The following ZNF831 variants were observed in gnomAD, a reference collection of about 807,000 sequenced individuals.
ZNF831 encodes the protein chromosome 20 open reading frame 174.
ZNF831 carries 59 observed loss-of-function variants against 95.8 expected under a neutral mutation model. The observed-to-expected ratio is 0.62, with a 90% CI of 0.50 to 0.77. The LOEUF is 0.77. ZNF831 is among the 30% of genes least tolerant of loss of function. ZNF831 has a pLI of 0.00. For missense variants in ZNF831, 2,205 were observed against 2,164.0 expected, an observed-to-expected ratio of 1.02 and a Z score of -0.38; for synonymous variants, 961 against 925.5, an observed-to-expected ratio of 1.04 and a Z score of -0.70.
chr20:59,186,662 G>A (rs1020779350), intron 1 of ZNF831, among the ~76,000 whole-genome samples: 9 of 152,310 alleles, frequency 5.9e-5, no homozygotes, highest in African/African-American at 1.4e-4. Context: ...AGGTTGCAGC[G>A]TCTTGAGGTA....
Position 59,204,085 on chromosome 20 carries a change from C to T in ZNF831, c.3876-2820C>T, listed in dbSNP as rs79435072. 8.0e-3 allele frequency among the ~76,000 whole-genome samples: 1,212 copies of T among 152,158 alleles called. 15 individuals are homozygous for T. The highest frequency in any genetic ancestry group is 0.028 in the African/African-American group (1,158 of 41,506). Reference sequence around the variant, plus strand: ...GAAGCCCCAAGTGAATGGAAATGAGCGAGGAGAAGATTGCAGGTTGTATGG... The same window carrying T: ...GAAGCCCCAAGTGAATGGAAATGAGTGAGGAGAAGATTGCAGGTTGTATGG... On this transcript the variant is annotated intron_variant, in intron 3 of 5. Transcript: ENST00000371030.
rs1393498778 is a variant in ZNF831 at position 59,192,138 on chromosome 20, C to T, written c.1119C>T (p.Ser373=). The change falls in exon 2 of 6, where the codon TCC becomes TCT. Residue 373 remains serine (S), a synonymous_variant. Coordinates refer to ENST00000371030, the MANE Select transcript of ZNF831 (RefSeq NM_178457.3). This position sits in a 1 kb window ranked among gnomAD's most constrained non-coding sequence, Gnocchi z 5.2. ...LHSLSEHSAE[S]EGEGGPGPGP... ...GCCTTTCGGAGCACAGCGCCGAGTC[C>T]GAGGGGGAGGGCGGCCCGGGCCCGG... The T allele has an allele frequency of 1.3e-6, 2 of 1,566,800 alleles. No individual in the cohort carries two copies. The highest frequency in any genetic ancestry group is 2.4e-5 in the South Asian group (2 of 84,802).
At chr20:59,233,015 C>G (rs1986812881) in intron 4 of ZNF831, among the ~76,000 whole-genome samples, 1 of 147,552 alleles carries the variant, frequency 6.8e-6, no homozygotes, top group South Asian at 2.1e-4. Context: ...CACACACACA[C>G]ACACACACAC....
chr20:59,209,775 TGCTATTTCC>T, intron 4 of ZNF831, among the ~76,000 whole-genome samples: 1 of 71,720 alleles, frequency 1.4e-5, no homozygotes, highest in South Asian at 3.7e-4. Flanking sequence ...AGCTATTTCC[TGCTATTTCC>T]TTGGTTTGTT....
rs2146560177 is a variant in ZNF831 at position 59,192,126 on chromosome 20, C to A, written c.1107C>A (p.His369Gln). Residue 369 changes from histidine to glutamine, a missense_variant, in exon 2 of 6, where the codon CAC becomes CAA. Coordinates refer to ENST00000371030, the MANE Select transcript of ZNF831 (RefSeq NM_178457.3). This position sits in a 1 kb window ranked among gnomAD's most constrained non-coding sequence, Gnocchi z 5.2. ...GCCCCCTGCACAGCCTTTCGGAGCA[C>A]AGCGCCGAGTCCGAGGGGGAGGGCG... ...PCSPLHSLSE[H>Q]SAESEGEGGP... is the part of the protein sequence containing the mutation. 1 of 1,573,334 alleles carries A rather than the reference C, an allele frequency of 6.4e-7. No individual in the cohort carries two copies. The highest frequency in any genetic ancestry group is 8.6e-7 in the Non-Finnish European group (1 of 1,165,584).
chr20:59,255,848 C>A lies in ZNF831; in HGVS notation c.*1105C>A, dbSNP rs920149061. The A allele has an allele frequency of 3.9e-5, 6 of 152,162 alleles. No individual in the cohort carries two copies. Among genetic ancestry groups the A allele is most frequent in the African/African-American group, 1.4e-4 (6 of 41,430 alleles). 9.4% of individuals were successfully genotyped at this position (152,162 alleles called of 1,614,324 possible). The stretch of plus-strand genomic sequence containing the variant: ...CTGTATTGTGCACGTCAGAACTGCA[C>A]AGAGAAAATTCCCCAGTATTCCAAG... On this transcript the variant is annotated 3_prime_UTR_variant, in exon 6 of 6. Transcript: ENST00000371030.
At chr20:59,220,038 C>T (rs1190637934) in intron 4 of ZNF831, among the ~76,000 whole-genome samples, 1 of 152,140 alleles carries the variant, frequency 6.6e-6, no homozygotes, top group Admixed American at 6.5e-5. Context: ...GGGAGAGAAA[C>T]TCTCATACCT....
rs1985089528 is a variant in ZNF831 at position 59,208,819 on chromosome 20, G to A, written c.4027+1763G>A. 6.6e-6 allele frequency among the ~76,000 whole-genome samples: 1 copy of A among 152,132 alleles called. No homozygotes were observed. Among genetic ancestry groups the A allele is most frequent in the Admixed American group, 6.5e-5 (1 of 15,286 alleles). On this transcript the variant is annotated intron_variant, in intron 4 of 5. Coordinates refer to ENST00000371030, the MANE Select transcript of ZNF831 (RefSeq NM_178457.3). The surrounding 1 kb of genome is among the most constrained non-coding windows in gnomAD (Gnocchi z 4.2). ...AGAGCTGGTAGCCCCCGCTACCTGG[G>A]AGGTTCTGATGGTCACTGGTGGAAT...
intron 1 of ZNF831, among the ~76,000 whole-genome samples, chr20:59,132,545 A>T (rs1979379792): frequency 6.6e-6 from 1 of 152,172 alleles, no homozygotes; most frequent in African/African-American, 2.4e-5. Flanking sequence ...GTGGATAAAA[A>T]ATGACATCTC....
chr20:59,251,444 A>G (rs1424741844), intron 4 of ZNF831, among the ~76,000 whole-genome samples: 1 of 152,270 alleles, frequency 6.6e-6, no homozygotes, highest in Non-Finnish European at 1.5e-5. Flanking sequence ...ATGATTTCCG[A>G]TTTTGAATGT....
In ZNF831 at chr20:59,217,162, C is replaced by CTGTGTGTGTGTGTG. The variant is rs201079519; in HGVS notation, c.4027+10126_4027+10139dup. On this transcript the variant is annotated intron_variant, in intron 4 of 5. Transcript: ENST00000371030. This position sits in a 1 kb window ranked among gnomAD's most constrained non-coding sequence, Gnocchi z 4.4. ...GAGTACATCTGACAGATCTTCATCTCTGTGTGTGTGTGTGTGTGTGTGTGT... is the reference window on the plus strand; with the variant it reads ...GAGTACATCTGACAGATCTTCATCTCTGTGTGTGTGTGTGTGTGTGTGTGTGTGTGTGTGTGTGT... 0.032 allele frequency among the ~76,000 whole-genome samples: 4,745 copies of CTGTGTGTGTGTGTG among 148,686 alleles called. 136 individuals are homozygous for CTGTGTGTGTGTGTG. The highest frequency in any genetic ancestry group is 0.079 in the African/African-American group (3,179 of 40,226).
At chr20:59,215,699 A>G (rs1985632456) in intron 4 of ZNF831, among the ~76,000 whole-genome samples, 1 of 152,250 alleles carries the variant, frequency 6.6e-6, no homozygotes, top group South Asian at 2.1e-4. Context: ...TGCCACCTTC[A>G]GAACTTTTGT....
rs1568766087 is a variant in ZNF831, at chr20:59,202,341, A to ATTTT, written c.3876-4564_3876-4563insTTTT. 1.0e-3 allele frequency among the ~76,000 whole-genome samples: 103 copies of ATTTT among 98,428 alleles called. 1 individual carries two copies. Among genetic ancestry groups the ATTTT allele is most frequent in the African/African-American group, 3.0e-3 (84 of 27,622 alleles). The allele number at this position is 98,428 out of a possible 152,430, so 64.6% of individuals were successfully genotyped here. A position where few individuals can be genotyped will look rare whatever the true frequency, so the allele number is the denominator to read the frequency against. ...TTTTCAACCTTTTTTTTTTTTTTTA[A>ATTTT]AAAAAAAAACACATCTAATGTTTTG... On this transcript the variant is annotated intron_variant, in intron 3 of 5. Transcript: ENST00000371030.
At chr20:59,238,078 T>G (rs1987105221) in intron 4 of ZNF831, among the ~76,000 whole-genome samples, 1 of 152,238 alleles carries the variant, frequency 6.6e-6, no homozygotes, top group Admixed American at 6.5e-5. Context: ...ATATTTTATC[T>G]GCCAACCCTT....
At chr20:59,167,725 C>T (rs1300832852) in intron 1 of ZNF831, among the ~76,000 whole-genome samples, 1 of 151,868 alleles carries the variant, frequency 6.6e-6, no homozygotes, top group African/African-American at 2.4e-5. Flanking sequence ...GAAACATCTA[C>T]ACTCTCTCTA....
intron 2 of ZNF831, among the ~76,000 whole-genome samples, chr20:59,156,502 G>A (rs1203631756): frequency 6.6e-6 from 1 of 152,044 alleles, no homozygotes; most frequent in African/African-American, 2.4e-5. Context: ...CTCCAGCCTG[G>A]GCGACAGGGT....
At chr20:59,166,043 C>T (rs535301201) in intron 1 of ZNF831, among the ~76,000 whole-genome samples, 71 of 152,318 alleles carry the variant, frequency 4.7e-4, no homozygotes, top group African/African-American at 1.6e-3. Flanking sequence ...TGAGCTACCA[C>T]ACCCAGCCCC....
intron 1 of ZNF831, among the ~76,000 whole-genome samples, chr20:59,174,757 A>G (rs1383760855): frequency 6.6e-6 from 1 of 152,094 alleles, no homozygotes; most frequent in African/African-American, 2.4e-5. Flanking sequence ...AACAAAACAA[A>G]CAAAAAAACA....
rs999041310 is a variant in ZNF831 at position 59,132,424 on chromosome 20, T to A, written c.-1425+8919T>A. On this transcript the variant is annotated intron_variant, in intron 1 of 7. Transcript: ENST00000637017. ...CGCTGTGCCCATATTGCCAAGCTGG[T>A]CTCCAGAAAGTTTACTATTTCACAT... Among the ~76,000 whole-genome samples the A allele has an allele frequency of 1.1e-4, 16 of 152,256 alleles. 1 individual carries two copies. The highest frequency in any genetic ancestry group is 8.3e-4 in the South Asian group (4 of 4,826).
Sources: allele counts gnomAD v4.1 joint callset (sites outside exome capture counted in the v4.1 genomes callset), GRCh38; gene constraint gnomAD v4.1.1; non-coding constraint Gnocchi (gnomAD v3.1); transcripts MANE v1.5; gene names NCBI Gene and HGNC (gene_info 2026-07-23, HGNC 2026-07-21).